Variants in RTN4RL1 observed in about 807,000 individuals in gnomAD.
RTN4RL1 encodes the protein reticulon 4 receptor like 1.
A neutral mutation model predicts 25.6 loss-of-function variants in RTN4RL1; 7 were observed. The observed-to-expected ratio is 0.27, with a 90% CI of 0.16 to 0.51. The LOEUF (loss-of-function observed/expected upper bound fraction) is 0.51, where lower values mean the gene tolerates loss of function less well. Among genes scored for constraint, RTN4RL1 ranks in the 20% least tolerant of loss-of-function variants. RTN4RL1 has a pLI of 0.97. For missense variants in RTN4RL1, 500 were observed against 615.6 expected (o/e 0.81, Z 1.99); for synonymous variants, 297 against 288.2 (o/e 1.03, Z -0.31).
chr17:1,947,825 G>A (rs1398284245), intron 1 of RTN4RL1, among the ~76,000 whole-genome samples: 1 of 152,222 alleles, frequency 6.6e-6, no homozygotes, highest in African/African-American at 2.4e-5. Flanking sequence ...GCTTGAGACC[G>A]GCCCCCGTGG....
rs989173733 is a variant in RTN4RL1 at position 1,935,709 on chromosome 17, GTGTATATATATA to G, written c.*775_*786del. ...GGAGTGGGAGGGGGACTGTGCATTTGTGTATATATATATATATATATATATATATATATATAT... is the reference window on the plus strand; with the variant it reads ...GGAGTGGGAGGGGGACTGTGCATTTGTATATATATATATATATATATATAT... On this transcript the variant is annotated 3_prime_UTR_variant, in exon 2 of 2. Coordinates refer to ENST00000331238, the MANE Select transcript of RTN4RL1 (RefSeq NM_178568.4). 7 of 199,210 alleles carry G rather than the reference GTGTATATATATA, an allele frequency of 3.5e-5. No individual in the cohort carries two copies. The highest frequency in any genetic ancestry group is 2.2e-4 in the African/African-American group (6 of 27,186). The allele number at this position is 199,210 out of a possible 1,614,324, so 12.3% of individuals were successfully genotyped here.
Position 1,961,947 on chromosome 17 carries a change from C to CAAA in RTN4RL1, c.14-24142_14-24140dup, listed in dbSNP as rs368701033. Reference sequence around the variant, plus strand: ...TGGGCTACAGAGCGAGACTCTGCCTCAAAAAAAAAAAAGAAAAGAAAAGAA... The same window carrying CAAA: ...TGGGCTACAGAGCGAGACTCTGCCTCAAAAAAAAAAAAAAAGAAAAGAAAAGAA... On this transcript the variant is annotated intron_variant, in intron 1 of 1. Transcript: ENST00000331238. Among the ~76,000 whole-genome samples the CAAA allele has an allele frequency of 4.0e-3, 425 of 105,026 alleles. 4 individuals are homozygous for CAAA. Among genetic ancestry groups the CAAA allele is most frequent in the African/African-American group, 0.015 (412 of 27,580 alleles). The allele number at this position is 105,026 out of a possible 152,430, so 68.9% of individuals were successfully genotyped here.
intron 1 of RTN4RL1, among the ~76,000 whole-genome samples, chr17:2,022,034 G>A (rs967654714): frequency 9.9e-5 from 15 of 150,984 alleles, no homozygotes; most frequent in Non-Finnish European, 1.5e-4. Context: ...TAAAATTTTG[G>A]CCGGGTGCAG....
At chr17:2,021,170 A>C (rs1192762274) in intron 1 of RTN4RL1, among the ~76,000 whole-genome samples, 1 of 152,146 alleles carries the variant, frequency 6.6e-6, no homozygotes, top group East Asian at 1.9e-4. Flanking sequence ...TAAGAGATGC[A>C]AGGCAGTCCC....
chr17:1,956,369 C>T (rs1275125832), intron 1 of RTN4RL1, among the ~76,000 whole-genome samples: 7 of 149,248 alleles, frequency 4.7e-5, no homozygotes, highest in Non-Finnish European at 1.0e-4. Context: ...CTTGGACAGC[C>T]TCGGAGAGTC....
At chr17:2,013,893 G>A (rs1214524817) in intron 1 of RTN4RL1, among the ~76,000 whole-genome samples, 2 of 152,076 alleles carry the variant, frequency 1.3e-5, no homozygotes, top group African/African-American at 2.4e-5. Context: ...TAGCTTTGAG[G>A]TGCGGGTTCT....
At chr17:1,988,516 A>C (rs1433557539) in intron 1 of RTN4RL1, among the ~76,000 whole-genome samples, 1 of 142,226 alleles carries the variant, frequency 7.0e-6, no homozygotes, top group Non-Finnish European at 1.5e-5. Context: ...CAAAAAAAAA[A>C]AAAAAAGAAA....
chr17:2,024,886 T>G lies in RTN4RL1; in HGVS notation c.-21A>C. 8.2e-6 allele frequency: 13 copies of G among 1,582,898 alleles called. No individual in the cohort carries two copies. The highest frequency in any genetic ancestry group is 1.2e-5 in the South Asian group (1 of 86,622). ...AGCATGTTGGCCACGGGGCCGCCGC[T>G]CCGAGGTCGGCCTAGGCGCACTCCC... On this transcript the variant is annotated 5_prime_UTR_variant, in exon 1 of 2. Coordinates refer to ENST00000331238, the MANE Select transcript of RTN4RL1 (RefSeq NM_178568.4).
chr17:1,991,877 A>T (rs949022405), intron 1 of RTN4RL1, among the ~76,000 whole-genome samples: 1 of 152,198 alleles, frequency 6.6e-6, no homozygotes, highest in African/African-American at 2.4e-5. Context: ...CAGTAGATCA[A>T]TTCCTGGAAG....
chr17:1,938,017 G>A (rs573082487), intron 1 of RTN4RL1, among the ~76,000 whole-genome samples: 2 of 152,312 alleles, frequency 1.3e-5, no homozygotes, highest in East Asian at 1.9e-4. Flanking sequence ...CACTTCTGCT[G>A]GGCTGGGAGG....
chr17:2,016,444 G>A (rs1331713775), intron 1 of RTN4RL1, among the ~76,000 whole-genome samples: 2 of 152,186 alleles, frequency 1.3e-5, no homozygotes, highest in Admixed American at 6.5e-5. Flanking sequence ...TATTACAGAT[G>A]GGTAAACTGA....
chr17:1,999,221 G>A (rs962969509), intron 1 of RTN4RL1, among the ~76,000 whole-genome samples: 27 of 151,216 alleles, frequency 1.8e-4, no homozygotes, highest in African/African-American at 6.6e-4. Flanking sequence ...GCGGAGGCGG[G>A]CGGATCACGA....
At chr17:2,005,739 T>TTCTCTCTCTC (rs61209329) in intron 1 of RTN4RL1, among the ~76,000 whole-genome samples, 166 of 145,214 alleles carry the variant, frequency 1.1e-3, no homozygotes, top group Middle Eastern at 3.5e-3. Context: ...CTCTCTCTCT[T>TTCTCTCTCTC]TCTCTCTCTC....
chr17:1,960,006 T>C (rs1175385827), intron 1 of RTN4RL1, among the ~76,000 whole-genome samples: 2 of 149,224 alleles, frequency 1.3e-5, no homozygotes, highest in African/African-American at 2.5e-5. Context: ...GATTGTCCTG[T>C]GTTCACCGTG....
intron 1 of RTN4RL1, among the ~76,000 whole-genome samples, chr17:2,016,709 C>T (rs567807680): frequency 1.1e-4 from 17 of 152,294 alleles, no homozygotes; most frequent in Middle Eastern, 3.4e-3. Flanking sequence ...CGGCAGCAGG[C>T]GGGCAGGCGG....
chr17:1,946,882 CTG>C lies in RTN4RL1; in HGVS notation c.14-9076_14-9075del, dbSNP rs1567850152. 7.4e-5 allele frequency among the ~76,000 whole-genome samples: 8 copies of C among 107,682 alleles called. No homozygotes were observed. The East Asian group carries it at 1.6e-3, about 21-fold the overall frequency. 70.6% of individuals were successfully genotyped at this position (107,682 alleles called of 152,430 possible). ...TCTGTGTGCACGTGTGTCTGTGTCT[CTG>C]TGTGTGCACGTGTGTCTGTGTATGC... On this transcript the variant is annotated intron_variant, in intron 1 of 1. Transcript: ENST00000331238.
chr17:2,000,927 A>G (rs2066954196), intron 1 of RTN4RL1, among the ~76,000 whole-genome samples: 1 of 152,202 alleles, frequency 6.6e-6, no homozygotes. Context: ...GGAATACTGC[A>G]TGGAAACAGC....
intron 1 of RTN4RL1, among the ~76,000 whole-genome samples, chr17:2,018,291 G>A (rs2067152913): frequency 6.6e-6 from 1 of 152,226 alleles, no homozygotes; most frequent in Admixed American, 6.5e-5. Context: ...CCCTCCTCAG[G>A]GGCGTGAAAG....
chr17:1,965,766 C>A (rs1169620724), intron 1 of RTN4RL1, among the ~76,000 whole-genome samples: 1 of 152,202 alleles, frequency 6.6e-6, no homozygotes, highest in Non-Finnish European at 1.5e-5. Flanking sequence ...CGCTGACCGA[C>A]ACCTGTCCAG....
Sources: gnomAD v4.1 joint callset for allele counts (sites outside exome capture counted in the v4.1 genomes callset) on GRCh38, gnomAD v4.1.1 for gene constraint, MANE v1.5 for transcripts, NCBI Gene and HGNC (gene_info 2026-07-23, HGNC 2026-07-21) for gene names.